The following MGMT variants were observed in gnomAD, a reference collection of about 807,000 sequenced individuals.
MGMT encodes O-6-methylguanine-DNA methyltransferase, also known as methylated-DNA--protein-cysteine methyltransferase.
Under a neutral mutation model 15.9 loss-of-function variants are expected in MGMT, and 14 were observed. The ratio of observed to expected loss-of-function variants is 0.88; its 90% CI spans 0.58 to 1.37. The LOEUF (loss-of-function observed/expected upper bound fraction) is 1.37, where lower values mean the gene tolerates loss of function less well. Ranked by LOEUF, MGMT falls within the 40% of genes most tolerant of loss-of-function variation. The pLI, the probability that MGMT is intolerant of heterozygous loss-of-function variation, is 0.00. For synonymous variants in MGMT, 130 were observed against 118.2 expected, an observed-to-expected ratio of 1.10 and a Z score of -0.65; for missense variants, 282 against 268.1, an observed-to-expected ratio of 1.05 and a Z score of -0.36.
In MGMT at chr10:129,472,328, G is replaced by T. The variant is rs893517977; in HGVS notation, c.-13+5032G>T. 2.0e-5 allele frequency among the ~76,000 whole-genome samples: 3 copies of T among 152,060 alleles called. 1 individual carries two copies. The highest frequency in any genetic ancestry group is 4.8e-5 in the African/African-American group (2 of 41,378). On this transcript the variant is annotated intron_variant, in intron 1 of 4. Transcript: ENST00000651593. ...GATTATGCTTATTCGGTCTACCCGG[G>T]TAAGTATAGGCACACGAGACAGTAA...
chr10:129,592,557 G>C (rs11016845), intron 2 of MGMT, among the ~76,000 whole-genome samples: 4 of 152,180 alleles, frequency 2.6e-5, no homozygotes, highest in Non-Finnish European at 5.9e-5. Flanking sequence ...CAGTTGATTC[G>C]GAAGGCTTCA....
intron 2 of MGMT, among the ~76,000 whole-genome samples, chr10:129,649,142 G>C (rs887370900): frequency 3.3e-5 from 5 of 152,136 alleles, no homozygotes; most frequent in African/African-American, 1.2e-4. Flanking sequence ...ACAGCCCCCT[G>C]TTTTGTCATT....
At chr10:129,476,440 C>T (rs560207686) in intron 1 of MGMT, among the ~76,000 whole-genome samples, 99 of 152,278 alleles carry the variant, frequency 6.5e-4, no homozygotes, top group African/African-American at 1.8e-3. Context: ...TTGCAGCAGA[C>T]GGCTTCTTGG....
At chr10:129,524,580 G>T (rs999577713) in intron 1 of MGMT, among the ~76,000 whole-genome samples, 2 of 111,320 alleles carry the variant, frequency 1.8e-5, no homozygotes, top group Non-Finnish European at 3.7e-5. Flanking sequence ...CTTCCAAAAA[G>T]ACTTTTTTTT....
At chr10:129,495,587 A>T (rs1002884561) in intron 1 of MGMT, among the ~76,000 whole-genome samples, 3 of 152,200 alleles carry the variant, frequency 2.0e-5, no homozygotes, top group Non-Finnish European at 4.4e-5. Context: ...GAAAATTCTC[A>T]TCTCTTTTGA....
In MGMT at chr10:129,467,301, G is replaced by T; in HGVS notation, c.-13+5G>T. 6.5e-7 allele frequency: 1 copy of T among 1,538,730 alleles called. No individual in the cohort carries two copies. The highest frequency in any genetic ancestry group is 8.7e-7 in the Non-Finnish European group (1 of 1,142,978). On this transcript the variant is annotated splice_donor_5th_base_variant and intron_variant, in intron 1 of 4. Transcript: ENST00000651593. ...GTGCGCACCGTTTGCGACTTGGTGA[G>T]TGTCTGGGTCGCCTCGCTCCCGGAA...
intron 2 of MGMT, among the ~76,000 whole-genome samples, chr10:129,561,256 C>T (rs906184078): frequency 2.0e-5 from 3 of 152,160 alleles, no homozygotes; most frequent in Admixed American, 6.5e-5. Flanking sequence ...GCCTGTGTCA[C>T]GATGGGGAAG....
At chr10:129,488,230 C>G (rs1845433276) in intron 1 of MGMT, among the ~76,000 whole-genome samples, 1 of 152,114 alleles carries the variant, frequency 6.6e-6, no homozygotes, top group Non-Finnish European at 1.5e-5. Flanking sequence ...AATCCACCTC[C>G]TCACCAAAAC....
intron 2 of MGMT, among the ~76,000 whole-genome samples, chr10:129,607,729 T>G (rs1846909149): frequency 6.6e-6 from 1 of 152,244 alleles, no homozygotes. Context: ...CTGCTCACCA[T>G]GGTCCAGTGC....
intron 2 of MGMT, among the ~76,000 whole-genome samples, chr10:129,693,252 T>C (rs369446032): frequency 9.5e-4 from 144 of 152,334 alleles, no homozygotes; most frequent in African/African-American, 3.1e-3. Flanking sequence ...GTGTTTTCAT[T>C]GCAGTTAACA....
intron 2 of MGMT, among the ~76,000 whole-genome samples, chr10:129,636,923 G>A (rs927158004): frequency 2.0e-5 from 3 of 152,146 alleles, no homozygotes; most frequent in Non-Finnish European, 4.4e-5. Flanking sequence ...TTATAGAGCC[G>A]AGTTTAAATT....
intron 4 of MGMT, among the ~76,000 whole-genome samples, chr10:129,759,853 G>C (rs749321938): frequency 6.6e-5 from 10 of 152,146 alleles, no homozygotes; most frequent in Admixed American, 2.0e-4. Flanking sequence ...TGGGTCCCAA[G>C]AGCTAAAGCA....
At chr10:129,530,379 G>A (rs576481032) in intron 1 of MGMT, among the ~76,000 whole-genome samples, 25 of 152,272 alleles carry the variant, frequency 1.6e-4, no homozygotes, top group African/African-American at 5.3e-4. Flanking sequence ...TGCAAGCAAC[G>A]TATGGTGTGG....
At chr10:129,738,478 C>T (rs1054320638) in intron 3 of MGMT, among the ~76,000 whole-genome samples, 11 of 152,200 alleles carry the variant, frequency 7.2e-5, no homozygotes, top group Non-Finnish European at 1.3e-4. Flanking sequence ...GAGATGAATC[C>T]GGTACCTCAG....
chr10:129,564,855 G>A lies in MGMT; in HGVS notation c.125+28478G>A, dbSNP rs373990968. Among the ~76,000 whole-genome samples the A allele has an allele frequency of 3.1e-3, 467 of 151,900 alleles. 1 individual carries two copies. Among genetic ancestry groups the A allele is most frequent in the African/African-American group, 9.9e-3 (411 of 41,446 alleles). Reference sequence around the variant, plus strand: ...CCTCAAGGCCCTCAGGCCAGTTCCCGGGGCAGCCACTGAGCAGAACCGCCC... The same window carrying A: ...CCTCAAGGCCCTCAGGCCAGTTCCCAGGGCAGCCACTGAGCAGAACCGCCC... On this transcript the variant is annotated intron_variant, in intron 2 of 4. Coordinates refer to ENST00000651593, the MANE Select transcript of MGMT (RefSeq NM_002412.5).
intron 3 of MGMT, among the ~76,000 whole-genome samples, chr10:129,739,264 A>G (rs1270441534): frequency 6.6e-6 from 1 of 152,222 alleles, no homozygotes; most frequent in Non-Finnish European, 1.5e-5. Flanking sequence ...GCAGTCTCTC[A>G]CCACTCCTGT....
At chr10:129,631,274 A>G (rs945957669) in intron 2 of MGMT, among the ~76,000 whole-genome samples, 3 of 152,156 alleles carry the variant, frequency 2.0e-5, no homozygotes, top group Non-Finnish European at 4.4e-5. Flanking sequence ...GGGAGGGCTT[A>G]GCTCTCTGTT....
chr10:129,684,369 G>A (rs1246387349), intron 2 of MGMT, among the ~76,000 whole-genome samples: 1 of 152,208 alleles, frequency 6.6e-6, no homozygotes, highest in Non-Finnish European at 1.5e-5. Flanking sequence ...AGAGGGAGAT[G>A]CAGGGGGGCC....
intron 2 of MGMT, among the ~76,000 whole-genome samples, chr10:129,638,429 CAAAAAAAAAAAAAAAAGA>C (rs1327986095): frequency 4.9e-5 from 3 of 61,756 alleles, no homozygotes; most frequent in Non-Finnish European, 9.8e-5. Flanking sequence ...ACCAAAGAGG[CAAAAAAAAAAAAAAAAGA>C]AAAAAAAAAG....
Sources: gnomAD v4.1 joint callset for allele counts (sites outside exome capture counted in the v4.1 genomes callset) on GRCh38, gnomAD v4.1.1 for gene constraint, MANE v1.5 for transcripts, NCBI Gene and HGNC (gene_info 2026-07-23, HGNC 2026-07-21) for gene names.